The following CRIM1 variants were observed in gnomAD, a reference collection of about 807,000 sequenced individuals.
CRIM1 encodes the protein cysteine-rich motor neuron 1 protein.
A neutral mutation model predicts 116.4 loss-of-function variants in CRIM1; 32 were observed. The observed-to-expected ratio is 0.27, with a 90% CI of 0.21 to 0.37. The LOEUF is 0.37. Among genes scored for constraint, CRIM1 ranks in the 10% least tolerant of loss-of-function variants. CRIM1 has a pLI of 1.00. For missense variants in CRIM1, 1,331 were observed against 1,354.8 expected, an observed-to-expected ratio of 0.98 and a Z score of 0.28; for synonymous variants, 590 against 509.2, an observed-to-expected ratio of 1.16 and a Z score of -2.13.
chr2:36,468,520 A>G (rs1310078531), intron 5 of CRIM1, among the ~76,000 whole-genome samples: 2 of 152,182 alleles, frequency 1.3e-5, no homozygotes. Context: ...TGTTATTTAG[A>G]AACCAAAGGA....
At chr2:36,512,773 G>T (rs1558387815) in intron 10 of CRIM1, among the ~76,000 whole-genome samples, 1 of 152,080 alleles carries the variant, frequency 6.6e-6, no homozygotes, top group Non-Finnish European at 1.5e-5. Flanking sequence ...CTAGAGGGTG[G>T]GTATAGCTCA....
At chr2:36,462,413 G>T (rs1677651877) in intron 4 of CRIM1, among the ~76,000 whole-genome samples, 1 of 152,158 alleles carries the variant, frequency 6.6e-6, no homozygotes, top group African/African-American at 2.4e-5. Context: ...CATAAAAGGG[G>T]AAAAAAGACT....
chr2:36,377,130 G>A (rs1485095211), intron 1 of CRIM1, among the ~76,000 whole-genome samples: 1 of 152,200 alleles, frequency 6.6e-6, no homozygotes, highest in Non-Finnish European at 1.5e-5. Flanking sequence ...GGTGTTTTCT[G>A]CTGTTCAGAG....
chr2:36,496,009 G>A (rs1680567381), intron 7 of CRIM1, among the ~76,000 whole-genome samples: 1 of 152,142 alleles, frequency 6.6e-6, no homozygotes, highest in Admixed American at 6.6e-5. Flanking sequence ...ACGAAAGGCA[G>A]TACACTATAA....
intron 4 of CRIM1, among the ~76,000 whole-genome samples, chr2:36,463,932 C>T (rs1677787237): frequency 6.6e-6 from 1 of 152,212 alleles, no homozygotes; most frequent in Non-Finnish European, 1.5e-5. Context: ...TTATAAAGAG[C>T]TCCTCAGTCT....
chr2:36,455,812 G>A (rs1677092939), intron 4 of CRIM1, among the ~76,000 whole-genome samples: 1 of 152,164 alleles, frequency 6.6e-6, no homozygotes, highest in African/African-American at 2.4e-5. Context: ...GGAGGATGGG[G>A]GAGTTTGTCT....
intron 13 of CRIM1, among the ~76,000 whole-genome samples, chr2:36,526,618 T>C (rs1665775184): frequency 6.6e-6 from 1 of 152,142 alleles, no homozygotes; most frequent in African/African-American, 2.4e-5. Context: ...TATCCCCATA[T>C]GAGCCCTGAC....
intron 4 of CRIM1, among the ~76,000 whole-genome samples, chr2:36,457,366 G>A (rs368582409): frequency 2.4e-5 from 3 of 125,366 alleles, no homozygotes; most frequent in South Asian, 3.0e-4. Flanking sequence ...CAACAACAAC[G>A]AAAGGCAGAG....
chr2:36,468,106 A>G (rs1205535888), intron 5 of CRIM1, among the ~76,000 whole-genome samples: 2 of 152,200 alleles, frequency 1.3e-5, no homozygotes. Flanking sequence ...AACCATGGTG[A>G]GGTAGATCCA....
chr2:36,374,753 C>T (rs1003246976), intron 1 of CRIM1, among the ~76,000 whole-genome samples: 17 of 152,114 alleles, frequency 1.1e-4, no homozygotes, highest in African/African-American at 3.6e-4. Flanking sequence ...TGGGCGTGCT[C>T]CAAACAGATA....
intron 2 of CRIM1, among the ~76,000 whole-genome samples, chr2:36,397,102 G>C (rs990651259): frequency 6.6e-6 from 1 of 152,136 alleles, no homozygotes; most frequent in Non-Finnish European, 1.5e-5. Context: ...GGTCCATTCT[G>C]TTTGATTTAC....
At chr2:36,466,670 T>A (rs750166475) in intron 5 of CRIM1, among the ~76,000 whole-genome samples, 1 of 152,214 alleles carries the variant, frequency 6.6e-6, no homozygotes, top group Non-Finnish European at 1.5e-5. Flanking sequence ...GTTAGCCTAT[T>A]ATCTGCCTCA....
At chr2:36,470,717 G>T (rs372465712) in intron 5 of CRIM1, among the ~76,000 whole-genome samples, 1 of 152,142 alleles carries the variant, frequency 6.6e-6, no homozygotes, top group African/African-American at 2.4e-5. Flanking sequence ...TGTTGTTTTC[G>T]TGCCTAACAC....
chr2:36,495,541 T>G (rs1362862635), intron 7 of CRIM1, among the ~76,000 whole-genome samples: 1 of 151,228 alleles, frequency 6.6e-6, no homozygotes, highest in Non-Finnish European at 1.5e-5. Context: ...CTAGATTCTT[T>G]AAAATCACCT....
chr2:36,375,526 T>C (rs2148318898), intron 1 of CRIM1, among the ~76,000 whole-genome samples: 1 of 152,340 alleles, frequency 6.6e-6, no homozygotes, highest in East Asian at 1.9e-4. Context: ...CTCTTTAGAT[T>C]AGCAAAAGGA....
intron 7 of CRIM1, among the ~76,000 whole-genome samples, chr2:36,485,558 A>G (rs2125058637): frequency 6.6e-6 from 1 of 152,362 alleles, no homozygotes; most frequent in South Asian, 2.1e-4. Context: ...TACCAGGCAC[A>G]TATCTGGGTG....
At chr2:36,466,119 C>T (rs533188757) in intron 5 of CRIM1, among the ~76,000 whole-genome samples, 7 of 152,054 alleles carry the variant, frequency 4.6e-5, no homozygotes, top group Non-Finnish European at 8.8e-5. Flanking sequence ...ATCTCCTGCC[C>T]TCGTGATCCA....
At chr2:36,382,343 C>G (rs1266145781) in intron 1 of CRIM1, among the ~76,000 whole-genome samples, 1 of 152,214 alleles carries the variant, frequency 6.6e-6, no homozygotes, top group Admixed American at 6.5e-5. Context: ...GGAAAGCGAT[C>G]CTAACTGCTG....
chr2:36,509,008 TATTATGTAAGTATATCCAA>T (rs1447508171), intron 8 of CRIM1, among the ~76,000 whole-genome samples: 2 of 152,214 alleles, frequency 1.3e-5, no homozygotes, highest in Admixed American at 1.3e-4. Context: ...CTAAAAAGCC[TATTATGTAAGTATATCCAA>T]ATACAGGGGT....
Sources: allele counts gnomAD v4.1 joint callset (sites outside exome capture counted in the v4.1 genomes callset), GRCh38; gene constraint gnomAD v4.1.1; transcripts MANE v1.5; gene names NCBI Gene and HGNC (gene_info 2026-07-23, HGNC 2026-07-21).